CAMSAP1: variants seen among roughly 807,000 people sequenced by gnomAD.
CAMSAP1 encodes calmodulin regulated spectrin associated protein 1.
Under a neutral mutation model 143.5 loss-of-function variants are expected in CAMSAP1, and 58 were observed. That is an observed-to-expected ratio of 0.40 (90% CI 0.33 to 0.50). The LOEUF is 0.50. CAMSAP1 is among the 20% of genes least tolerant of loss of function. The pLI is 0.45. For synonymous variants in CAMSAP1, 945 were observed against 859.3 expected, an observed-to-expected ratio of 1.10 and a Z score of -1.74; for missense variants, 1,969 against 2,115.7, an observed-to-expected ratio of 0.93 and a Z score of 1.36.
chr9:135,893,645 A>G (rs548860038), intron 1 of CAMSAP1, among the ~76,000 whole-genome samples: 1 of 152,356 alleles, frequency 6.6e-6, no homozygotes, highest in East Asian at 1.9e-4. Context: ...CAGTAAACAT[A>G]TAATGGATGA....
At position 135,827,468 on chromosome 9, in the gene CAMSAP1, C is replaced by CA; in HGVS notation, c.1161_1162insT (p.Val388CysfsTer19). 1 of 1,608,642 alleles carries CA rather than the reference C, an allele frequency of 6.2e-7. No homozygotes were observed. Among genetic ancestry groups the CA allele is most frequent in the Non-Finnish European group, 8.5e-7 (1 of 1,175,760 alleles). On this transcript the variant is annotated frameshift_variant, in exon 8 of 17. Transcript: ENST00000389532. LOFTEE classifies it high-confidence loss of function. The stretch of plus-strand genomic sequence containing the variant: ...TGACAGCCTTCCGCCGGCAGCTGCA[C>CA]GGGGGGCTGCAGCTCAGCCAGGGTC...
Position 135,881,532 on chromosome 9 carries a change from G to A in CAMSAP1, c.585+101C>T, listed in dbSNP as rs143381933. ...AAAATATGACTGGTCCCAAATGAAG[G>A]GCTGGGTCTCAGCGTGACAGACAAG... is the stretch of plus-strand genomic sequence containing the variant. On this transcript the variant is annotated intron_variant, in intron 3 of 16. Transcript: ENST00000389532. 2.6e-3 allele frequency: 3,461 copies of A among 1,320,044 alleles called. 11 individuals carry two copies. The highest frequency in any genetic ancestry group is 2.9e-3 in the Non-Finnish European group (2,799 of 952,798). 81.8% of individuals were successfully genotyped at this position (1,320,044 alleles called of 1,614,324 possible). A position where few individuals can be genotyped will look rare whatever the true frequency, so the allele number is the denominator to read the frequency against.
At position 135,820,833 on chromosome 9, in the gene CAMSAP1, C is replaced by T. The variant is rs753736322; in HGVS notation, c.3822+6G>A. 1 of 1,611,950 alleles carries T rather than the reference C, an allele frequency of 6.2e-7. No homozygotes were observed. Among genetic ancestry groups the T allele is most frequent in the South Asian group, 1.1e-5 (1 of 90,940 alleles). ...GTGCCTGAAACAGATGCTACCAATC[C>T]CTTACCTTGAAGAAGAAGCCGACCC... On this transcript the variant is annotated splice_donor_region_variant and intron_variant, in intron 11 of 16. Transcript: ENST00000389532. The surrounding 1 kb of genome is among the most constrained non-coding windows in gnomAD (Gnocchi z 4.4).
intron 1 of CAMSAP1, among the ~76,000 whole-genome samples, chr9:135,896,848 A>C (rs1024740719): frequency 6.6e-6 from 1 of 152,186 alleles, no homozygotes; most frequent in African/African-American, 2.4e-5. Context: ...GGGGGTGAAT[A>C]GGTCACAAGG....
intron 7 of CAMSAP1, among the ~76,000 whole-genome samples, chr9:135,837,100 CCAGAGACACACGTCACCACGGACG>C (rs1463711576): frequency 8.6e-5 from 13 of 151,988 alleles, no homozygotes. Flanking sequence ...TCTACCCATT[CCAGAGACACACGTCACCACGGACG>C]TTCTACAGAC....
intron 7 of CAMSAP1, among the ~76,000 whole-genome samples, chr9:135,849,385 G>C (rs1197674734): frequency 6.6e-6 from 1 of 152,184 alleles, no homozygotes; most frequent in Non-Finnish European, 1.5e-5. Flanking sequence ...CTTAAGCATT[G>C]CAAGCTGCAG....
intron 7 of CAMSAP1, among the ~76,000 whole-genome samples, chr9:135,833,077 TC>T (rs1332292289): frequency 7.7e-5 from 9 of 117,246 alleles, no homozygotes; most frequent in Non-Finnish European, 1.3e-4. Context: ...GCCACAGTAA[TC>T]TTTTTTTTTT....
chr9:135,809,618 GCT>G lies in CAMSAP1; in HGVS notation c.*1689_*1690del, dbSNP rs1444209390. On this transcript the variant is annotated 3_prime_UTR_variant, in exon 17 of 17. Transcript: ENST00000389532. ...GTTCATCACTTTATTACATCTTAGT[GCT>G]TTCTTAAAATAAATACAGTAATATC... is the stretch of plus-strand genomic sequence containing the variant. 6.6e-6 allele frequency: 1 copy of G among 152,598 alleles called. No homozygotes were observed. The highest frequency in any genetic ancestry group is 1.5e-5 in the Non-Finnish European group (1 of 68,024). The allele number at this position is 152,598 out of a possible 1,614,324, so 9.5% of individuals were successfully genotyped here.
intron 7 of CAMSAP1, among the ~76,000 whole-genome samples, chr9:135,842,619 C>A (rs947426495): frequency 1.3e-5 from 2 of 152,162 alleles, no homozygotes; most frequent in Non-Finnish European, 2.9e-5. Flanking sequence ...CAAAGGGAAG[C>A]CCATCAAACT....
Position 135,826,773 on chromosome 9 carries a change from C to T in CAMSAP1, c.1223+634G>A, listed in dbSNP as rs149471246. Among the ~76,000 whole-genome samples the T allele has an allele frequency of 7.3e-3, 1,112 of 152,330 alleles. 9 individuals are homozygous for T. Among genetic ancestry groups the T allele is most frequent in the African/African-American group, 0.025 (1,041 of 41,560 alleles). ...CTGTGGGTCCTCCTACCACACACAG[C>T]ACAAAGCTCACTCTTACTCCAAGGG... is the stretch of plus-strand genomic sequence containing the variant. On this transcript the variant is annotated intron_variant, in intron 8 of 16. Transcript: ENST00000389532. The surrounding 1 kb of genome is among the most constrained non-coding windows in gnomAD (Gnocchi z 4.4).
chr9:135,823,902 A>C (rs972695549), intron 10 of CAMSAP1, 48 bp downstream of exon 10: 1 of 1,428,328 alleles, frequency 7.0e-7, no homozygotes, highest in South Asian at 1.2e-5. Context: ...ACTGCTGTTT[A>C]GTATAAAAAA....
chr9:135,845,708 C>T (rs768287308), intron 7 of CAMSAP1, among the ~76,000 whole-genome samples: 13 of 152,264 alleles, frequency 8.5e-5, no homozygotes, highest in Non-Finnish European at 1.5e-4. Flanking sequence ...CACAAGCATT[C>T]CTATACACCA....
intron 3 of CAMSAP1, among the ~76,000 whole-genome samples, chr9:135,878,111 A>G (rs886286585): frequency 6.6e-6 from 1 of 152,174 alleles, no homozygotes; most frequent in Non-Finnish European, 1.5e-5. Context: ...TGTCTCAGAA[A>G]TGGTCCCGGA....
chr9:135,876,142 C>T (rs73559485), intron 3 of CAMSAP1, among the ~76,000 whole-genome samples: 1 of 152,088 alleles, frequency 6.6e-6, no homozygotes, highest in South Asian at 2.1e-4. Flanking sequence ...AGTAGAGACA[C>T]GGTTTCACCA....
chr9:135,832,432 C>T (rs1004279082), intron 7 of CAMSAP1, among the ~76,000 whole-genome samples: 2 of 152,136 alleles, frequency 1.3e-5, no homozygotes, highest in Middle Eastern at 3.2e-3. Context: ...CAATAAAAAC[C>T]ATTTATGAAA....
intron 7 of CAMSAP1, among the ~76,000 whole-genome samples, chr9:135,828,104 TGG>T (rs1835739110): frequency 6.6e-6 from 1 of 152,236 alleles, no homozygotes; most frequent in Admixed American, 6.5e-5. Flanking sequence ...CTCCAGCCCC[TGG>T]GGGTCAGGTG....
chr9:135,889,204 T>C (rs1838219335), intron 1 of CAMSAP1, among the ~76,000 whole-genome samples: 1 of 152,166 alleles, frequency 6.6e-6, no homozygotes, highest in South Asian at 2.1e-4. Context: ...CAACTGTATG[T>C]AGCCCCCAGG....
At position 135,815,078 on chromosome 9, in the gene CAMSAP1, G is replaced by A. The variant is rs745722515; in HGVS notation, c.4506+19C>T. 5.7e-5 allele frequency: 88 copies of A among 1,550,094 alleles called. No homozygotes were observed. The highest frequency in any genetic ancestry group is 4.7e-4 in the East Asian group (21 of 44,592). On this transcript the variant is annotated intron_variant, in intron 16 of 16. Coordinates refer to ENST00000389532, the MANE Select transcript of CAMSAP1 (RefSeq NM_015447.4). ...CTTTTTATTCCACATAAAAACTGAG[G>A]TTGAAACATGATACTTGCCTCCAAT...
At chr9:135,848,540 C>T (rs1284515677) in intron 7 of CAMSAP1, among the ~76,000 whole-genome samples, 1 of 152,134 alleles carries the variant, frequency 6.6e-6, no homozygotes. Context: ...CATGCACACA[C>T]ACGCATGCAC....
Sources: allele counts gnomAD v4.1 joint callset (sites outside exome capture counted in the v4.1 genomes callset), GRCh38; gene constraint gnomAD v4.1.1; non-coding constraint Gnocchi (gnomAD v3.1); transcripts MANE v1.5; gene names NCBI Gene and HGNC (gene_info 2026-07-23, HGNC 2026-07-21).